PEBP4: variants seen among roughly 807,000 people sequenced by gnomAD.
The protein encoded by PEBP4 is phosphatidylethanolamine binding protein 4.
In PEBP4, 22 loss-of-function variants were observed where a neutral mutation model predicts 23.9. The observed-to-expected ratio is 0.92, with a 90% CI of 0.66 to 1.31. The LOEUF (loss-of-function observed/expected upper bound fraction) is 1.31, where lower values mean the gene tolerates loss of function less well. PEBP4 is among the 40% of genes most tolerant of loss of function. The pLI is 0.00. For missense variants in PEBP4, 324 were observed against 281.7 expected (o/e 1.15, Z -1.07); for synonymous variants, 112 against 99.3 (o/e 1.13, Z -0.76).
chr8:22,936,066 A>G (rs1442412707), intron 1 of PEBP4, among the ~76,000 whole-genome samples: 3 of 151,670 alleles, frequency 2.0e-5, no homozygotes, highest in African/African-American at 7.2e-5. Context: ...AGAAAGAAAG[A>G]AATACTAAAG....
In PEBP4 at chr8:22,776,049, C is replaced by T. The variant is rs1400165281; in HGVS notation, c.357+41588G>A. Among the ~76,000 whole-genome samples the T allele has an allele frequency of 2.0e-5, 3 of 152,186 alleles. No homozygotes were observed. In the East Asian group the frequency reaches 5.8e-4, roughly 29 times the overall value. Reference sequence around the variant, plus strand: ...TGTGGCAGGGGCTGCCTGGGGCAGGCACCATTACCTCTCCAGGGCCCTGGG... The same window carrying T: ...TGTGGCAGGGGCTGCCTGGGGCAGGTACCATTACCTCTCCAGGGCCCTGGG... On this transcript the variant is annotated intron_variant, in intron 4 of 6. Coordinates refer to ENST00000256404, the MANE Select transcript of PEBP4 (RefSeq NM_144962.3).
At chr8:22,817,783 G>A (rs1447936724) in intron 3 of PEBP4, 48 bp from the exon 4 acceptor site, 1 of 1,551,388 alleles carries the variant, frequency 6.4e-7, no homozygotes, top group Non-Finnish European at 8.9e-7. Context: ...GCTGAAATAG[G>A]AAAATACCAC....
intron 4 of PEBP4, among the ~76,000 whole-genome samples, chr8:22,773,130 A>G (rs1308004575): frequency 2.0e-5 from 3 of 151,766 alleles, no homozygotes; most frequent in Admixed American, 6.6e-5. Flanking sequence ...TCACAGTATG[A>G]CAGACACCAG....
intron 4 of PEBP4, among the ~76,000 whole-genome samples, chr8:22,787,785 A>G (rs1431911468): frequency 1.3e-5 from 2 of 152,090 alleles, no homozygotes; most frequent in Non-Finnish European, 2.9e-5. Flanking sequence ...GGAATGTGGG[A>G]GTTTCCTAGG....
intron 4 of PEBP4, among the ~76,000 whole-genome samples, chr8:22,817,116 G>C (rs1806759649): frequency 6.6e-6 from 1 of 152,208 alleles, no homozygotes; most frequent in Non-Finnish European, 1.5e-5. Flanking sequence ...AAAGATGAGA[G>C]GCGGCCACTT....
chr8:22,796,834 A>G (rs1414590943), intron 4 of PEBP4, among the ~76,000 whole-genome samples: 1 of 152,164 alleles, frequency 6.6e-6, no homozygotes, highest in Non-Finnish European at 1.5e-5. Flanking sequence ...AATACTGCCT[A>G]TTGGATACAA....
intron 4 of PEBP4, among the ~76,000 whole-genome samples, chr8:22,780,630 A>G (rs1243581247): frequency 2.0e-5 from 3 of 152,176 alleles, no homozygotes; most frequent in Admixed American, 6.5e-5. Flanking sequence ...GATGGAAGTT[A>G]TAAGGCCTGA....
At chr8:22,913,608 A>G (rs1294014830) in intron 3 of PEBP4, among the ~76,000 whole-genome samples, 7 of 151,748 alleles carry the variant, frequency 4.6e-5, no homozygotes, top group Non-Finnish European at 1.5e-5. Flanking sequence ...CCTCAGAAGC[A>G]TCTCCGGCAC....
intron 3 of PEBP4, among the ~76,000 whole-genome samples, chr8:22,873,928 T>TCAG (rs1808064639): frequency 6.6e-6 from 1 of 152,174 alleles, no homozygotes; most frequent in Non-Finnish European, 1.5e-5. Context: ...TCCCTGTTTC[T>TCAG]CTAGCTTCCC....
At chr8:22,780,423 C>A (rs1044727143) in intron 4 of PEBP4, among the ~76,000 whole-genome samples, 6 of 152,126 alleles carry the variant, frequency 3.9e-5, no homozygotes, top group Non-Finnish European at 5.9e-5. Context: ...TTGTCCAGGA[C>A]CCTACTAGGT....
chr8:22,878,252 C>T (rs1012513945), intron 3 of PEBP4: 9 of 127,522 alleles, frequency 7.1e-5, no homozygotes, highest in Non-Finnish European at 1.4e-4. Context: ...GAGGGAGGGG[C>T]GGAATCCCTG....
chr8:22,850,618 T>C (rs1249190245), intron 3 of PEBP4, among the ~76,000 whole-genome samples: 1 of 152,222 alleles, frequency 6.6e-6, no homozygotes, highest in East Asian at 1.9e-4. Flanking sequence ...GCTATGAGCC[T>C]AGCTCTGTCT....
chr8:22,719,655 T>C (rs1478793088), intron 6 of PEBP4, among the ~76,000 whole-genome samples: 1 of 152,202 alleles, frequency 6.6e-6, no homozygotes. Context: ...CAGAAGAAAG[T>C]CAAATGGCTG....
At chr8:22,902,981 C>G (rs911874293) in intron 3 of PEBP4, among the ~76,000 whole-genome samples, 1 of 152,164 alleles carries the variant, frequency 6.6e-6, no homozygotes, top group African/African-American at 2.4e-5. Context: ...GGACCTTTCT[C>G]ATTACACCGT....
chr8:22,776,923 A>G (rs562620454), intron 4 of PEBP4, among the ~76,000 whole-genome samples: 352 of 151,832 alleles, frequency 2.3e-3, no homozygotes, highest in African/African-American at 8.1e-3. Flanking sequence ...GAAGGATGGC[A>G]TTGGGGTACA....
chr8:22,869,866 C>T (rs779462088), intron 3 of PEBP4, among the ~76,000 whole-genome samples: 2 of 152,198 alleles, frequency 1.3e-5, no homozygotes, highest in African/African-American at 2.4e-5. Context: ...TACCACTATA[C>T]ACCTATTGGA....
intron 3 of PEBP4, among the ~76,000 whole-genome samples, chr8:22,854,955 T>TGG (rs1807609972): frequency 9.7e-6 from 1 of 103,480 alleles, no homozygotes; most frequent in Non-Finnish European, 2.1e-5. Flanking sequence ...TGTGTGTGTG[T>TGG]GCGTGCAAGC....
At chr8:22,721,148 A>T (rs1328970612) in intron 6 of PEBP4, among the ~76,000 whole-genome samples, 2 of 152,140 alleles carry the variant, frequency 1.3e-5, no homozygotes, top group Non-Finnish European at 2.9e-5. Context: ...GCTGGCTGGG[A>T]AAGTCGAGCC....
At chr8:22,735,376 A>G (rs984464309) in intron 4 of PEBP4, among the ~76,000 whole-genome samples, 7 of 152,226 alleles carry the variant, frequency 4.6e-5, no homozygotes, top group African/African-American at 1.7e-4. Context: ...CCAGTAGACA[A>G]GATAAAGGAG....
Sources: allele counts gnomAD v4.1 joint callset (sites outside exome capture counted in the v4.1 genomes callset), GRCh38; gene constraint gnomAD v4.1.1; transcripts MANE v1.5; gene names NCBI Gene and HGNC (gene_info 2026-07-23, HGNC 2026-07-21).